Variants in BRAP observed in about 807,000 individuals in gnomAD.
The protein encoded by BRAP is BRCA1-associated protein.
A neutral mutation model predicts 73.4 loss-of-function variants in BRAP; 42 were observed. That is an observed-to-expected ratio of 0.57 (90% CI 0.45 to 0.74). The LOEUF is 0.74. BRAP is among the 30% of genes least tolerant of loss of function. The pLI is 0.00. For missense variants in BRAP, 593 were observed against 751.4 expected (o/e 0.79, Z 2.46); for synonymous variants, 255 against 267.4 (o/e 0.95, Z 0.45).
At chr12:111,681,933 ATAGAG>A (rs1216766414) in intron 2 of BRAP, 98 bp from the exon 3 acceptor site, 16 of 1,153,756 alleles carry the variant, frequency 1.4e-5, no homozygotes, top group Non-Finnish European at 1.9e-5. Context: ...ATAAACTTTG[ATAGAG>A]TAATTACAAT....
At chr12:111,661,637 A>C (rs537832687) in intron 6 of BRAP, among the ~76,000 whole-genome samples, 2 of 152,110 alleles carry the variant, frequency 1.3e-5, no homozygotes, top group East Asian at 3.9e-4. Context: ...CAAAGATTTA[A>C]ATCATTCAAA....
intron 6 of BRAP, among the ~76,000 whole-genome samples, chr12:111,664,348 T>C (rs1886859135): frequency 1.3e-5 from 2 of 151,982 alleles, no homozygotes; most frequent in South Asian, 4.1e-4. Context: ...AAAGTAAAAC[T>C]GGAGTGGCGG....
chr12:111,645,065 A>G (rs1886059300), intron 11 of BRAP, among the ~76,000 whole-genome samples: 1 of 149,526 alleles, frequency 6.7e-6, no homozygotes, highest in Non-Finnish European at 1.5e-5. Flanking sequence ...CCACAAGTGT[A>G]TTATTTATTT....
At chr12:111,653,942 C>T (rs367560421) in intron 10 of BRAP, among the ~76,000 whole-genome samples, 2 of 152,214 alleles carry the variant, frequency 1.3e-5, no homozygotes, top group Admixed American at 1.3e-4. Flanking sequence ...TTCAGTGTTT[C>T]GTTTTCCTGC....
chr12:111,663,860 A>C (rs897170626), intron 6 of BRAP, among the ~76,000 whole-genome samples: 1 of 152,206 alleles, frequency 6.6e-6, no homozygotes, highest in Non-Finnish European at 1.5e-5. Flanking sequence ...TGACAGGTTG[A>C]ATTCTAGTCC....
chr12:111,656,330 G>A (rs539063148), intron 9 of BRAP, among the ~76,000 whole-genome samples: 1 of 152,332 alleles, frequency 6.6e-6, no homozygotes, highest in South Asian at 2.1e-4. Context: ...AAGAAGAACA[G>A]ATAAAGACAG....
chr12:111,657,453 C>T (rs1483665150), intron 9 of BRAP, among the ~76,000 whole-genome samples: 2 of 152,124 alleles, frequency 1.3e-5, no homozygotes, highest in Admixed American at 6.5e-5. Context: ...TTATTAATAA[C>T]GATATAAAAC....
Position 111,642,999 on chromosome 12 carries a change from G to A in BRAP, c.*1200C>T, listed in dbSNP as rs1419035701. 2 of 152,162 alleles carry A rather than the reference G, an allele frequency of 1.3e-5. No homozygotes were observed. Among genetic ancestry groups the A allele is most frequent in the East Asian group, 3.8e-4 (2 of 5,204 alleles). 9.4% of individuals were successfully genotyped at this position (152,162 alleles called of 1,614,324 possible). A position where few individuals can be genotyped will look rare whatever the true frequency, so the allele number is the denominator to read the frequency against. ...TATAAAGCAAAAACTAAAACCTGTT[G>A]TTTAACAATACATCTTACTAACCTA... is the stretch of plus-strand genomic sequence containing the variant. On this transcript the variant is annotated 3_prime_UTR_variant, in exon 12 of 12. Coordinates refer to ENST00000419234, the MANE Select transcript of BRAP (RefSeq NM_006768.5).
chr12:111,655,837 G>T (rs751653921), intron 9 of BRAP, among the ~76,000 whole-genome samples, 182 bp from the exon 10 acceptor site: 35 of 152,148 alleles, frequency 2.3e-4, no homozygotes, highest in Non-Finnish European at 4.6e-4. Flanking sequence ...ATGACATTAT[G>T]CTTCTGTCTT....
Position 111,683,438 on chromosome 12 carries a change from C to A in BRAP, c.83-131G>T, listed in dbSNP as rs142409297. ...AGATGATAAGAAGCCTTTGTAGTAT[C>A]CATCTCACTCAACTCTGGGACCACT... On this transcript the variant is annotated intron_variant, in intron 1 of 11. Coordinates refer to ENST00000419234, the MANE Select transcript of BRAP (RefSeq NM_006768.5). The A allele has an allele frequency of 4.8e-4, 492 of 1,026,800 alleles. 2 individuals carry two copies. In the African/African-American group the frequency reaches 6.5e-3, roughly 14 times the overall value. The allele number at this position is 1,026,800 out of a possible 1,614,324, so 63.6% of individuals were successfully genotyped here. A position where few individuals can be genotyped will look rare whatever the true frequency, so the allele number is the denominator to read the frequency against.
In BRAP at chr12:111,650,125, C is replaced by G. The variant is rs1045647127; in HGVS notation, c.1312-83G>C. On this transcript the variant is annotated intron_variant, in intron 10 of 11. Transcript: ENST00000419234. Reference sequence around the variant, plus strand: ...GGGACCAACATCATATTTTTCCCCCCAATTATCTGTATATAACTTTGACAA... The same window carrying G: ...GGGACCAACATCATATTTTTCCCCCGAATTATCTGTATATAACTTTGACAA... The G allele has an allele frequency of 4.5e-5, 45 of 997,056 alleles. No homozygotes were observed. In the South Asian group the frequency reaches 7.1e-4, roughly 16 times the overall value. 61.8% of individuals were successfully genotyped at this position (997,056 alleles called of 1,614,324 possible). A position where few individuals can be genotyped will look rare whatever the true frequency, so the allele number is the denominator to read the frequency against.
At chr12:111,653,465 C>T (rs901751079) in intron 10 of BRAP, among the ~76,000 whole-genome samples, 3 of 152,176 alleles carry the variant, frequency 2.0e-5, no homozygotes, top group Non-Finnish European at 4.4e-5. Flanking sequence ...ACTGCCTCTG[C>T]CTACCATGTG....
At chr12:111,679,080 C>T in intron 4 of BRAP, 71 bp downstream of exon 4, 1 of 1,120,948 alleles carries the variant, frequency 8.9e-7, no homozygotes, top group South Asian at 2.7e-5. Context: ...AAATCACACA[C>T]AGCTATCATA....
intron 5 of BRAP, among the ~76,000 whole-genome samples, chr12:111,670,586 G>A (rs926299760): frequency 1.3e-5 from 2 of 152,106 alleles, no homozygotes; most frequent in African/African-American, 4.8e-5. Flanking sequence ...CTCGGCCTCC[G>A]GGGTTTAAGC....
chr12:111,646,202 C>T (rs775112646), intron 11 of BRAP, among the ~76,000 whole-genome samples: 3 of 151,964 alleles, frequency 2.0e-5, no homozygotes, highest in Non-Finnish European at 2.9e-5. Flanking sequence ...CAGAGGACTG[C>T]TTGAGCCCAG....
At position 111,681,785 on chromosome 12, in the gene BRAP, T is replaced by C. The variant is rs200917894; in HGVS notation, c.295A>G (p.Thr99Ala). The change falls in exon 3 of 12, where the codon ACT (threonine) becomes GCT (alanine). Residue 99 changes from threonine (T) to alanine (A), a missense_variant. By Grantham distance (58) the Thr-to-Ala change is moderately conservative. Transcript: ENST00000419234. ...EERKSSEASPTAQRSKDHSKE... is the reference protein window; with the variant it reads ...EERKSSEASPAAQRSKDHSKE... ...CTGTGATCTTTACTTCTTTGCGCAG[T>C]GGGGGAGGCTTCTGAAGACTTCCTT... is the stretch of plus-strand genomic sequence containing the variant. 86 of 1,613,690 alleles carry C rather than the reference T, an allele frequency of 5.3e-5. No homozygotes were observed. The Admixed American group carries it at 1.3e-3, about 24-fold the overall frequency.
chr12:111,647,594 T>C (rs1299307347), intron 11 of BRAP, among the ~76,000 whole-genome samples: 3 of 152,004 alleles, frequency 2.0e-5, no homozygotes, highest in Non-Finnish European at 4.4e-5. Flanking sequence ...CCTGTAATGG[T>C]AAAACAGTCT....
At chr12:111,675,861 GA>G (rs1387931461) in intron 4 of BRAP, among the ~76,000 whole-genome samples, 5 of 151,918 alleles carry the variant, frequency 3.3e-5, no homozygotes, top group Non-Finnish European at 7.4e-5. Context: ...GCACGCAGGT[GA>G]AAAAAGCCAA....
chr12:111,681,762 G>C lies in BRAP; in HGVS notation c.318C>G (p.His106Gln), dbSNP rs1217946547. ...ASPTAQRSKD[H>Q]SKECINAAPD... ...GGGCAGCGTTTATGCATTCCTTACTGTGATCTTTACTTCTTTGCGCAGTGG... is the reference window on the plus strand; with the variant it reads ...GGGCAGCGTTTATGCATTCCTTACTCTGATCTTTACTTCTTTGCGCAGTGG... The change falls in exon 3 of 12, where the codon CAC becomes CAG. Residue 106 changes from histidine to glutamine, a missense_variant. This residue lies in a region of BRAP where 304 missense variants were observed against 337.7 expected (regional missense o/e 0.90). Coordinates refer to ENST00000419234, the MANE Select transcript of BRAP (RefSeq NM_006768.5). 3.7e-6 allele frequency: 6 copies of C among 1,614,084 alleles called. No homozygotes were observed. The highest frequency in any genetic ancestry group is 5.1e-6 in the Non-Finnish European group (6 of 1,179,998).
Sources: allele counts gnomAD v4.1 joint callset (sites outside exome capture counted in the v4.1 genomes callset), GRCh38; gene constraint gnomAD v4.1.1; regional missense constraint gnomAD v4.1.1; transcripts MANE v1.5; gene names NCBI Gene and HGNC (gene_info 2026-07-23, HGNC 2026-07-21).